The following HOMER1 variants were observed in gnomAD, a reference collection of about 807,000 sequenced individuals.
HOMER1 encodes homer scaffold protein 1.
In HOMER1, 3 loss-of-function variants were observed where a neutral mutation model predicts 48.9. That is an observed-to-expected ratio of 0.06 (90% CI 0.03 to 0.16). HOMER1 has a LOEUF of 0.16. Among genes scored for constraint, HOMER1 ranks in the 10% least tolerant of loss-of-function variants. The pLI is 1.00. For synonymous variants in HOMER1, 134 were observed against 146.4 expected (o/e 0.92, Z 0.61); for missense variants, 247 against 411.4 (o/e 0.60, Z 3.46).
At chr5:79,502,141 TC>T (rs774504380) in intron 1 of HOMER1, among the ~76,000 whole-genome samples, 1 of 149,684 alleles carries the variant, frequency 6.7e-6, no homozygotes, top group Non-Finnish European at 1.5e-5. Flanking sequence ...TGCCTCAGCC[TC>T]CCAAGTAGCT....
At chr5:79,400,003 GA>G (rs1284255207) in intron 6 of HOMER1, among the ~76,000 whole-genome samples, 1 of 152,066 alleles carries the variant, frequency 6.6e-6, no homozygotes, top group Non-Finnish European at 1.5e-5. Context: ...TATTTAAAGA[GA>G]AAATTTCTTA....
At chr5:79,479,743 AAT>A (rs1410928201) in intron 1 of HOMER1, among the ~76,000 whole-genome samples, 2 of 152,238 alleles carry the variant, frequency 1.3e-5, no homozygotes, top group Non-Finnish European at 2.9e-5. Flanking sequence ...CTAATACAGT[AAT>A]AGTGATAAAA....
chr5:79,412,913 G>GA (rs2112236163), intron 5 of HOMER1, among the ~76,000 whole-genome samples: 1 of 152,340 alleles, frequency 6.6e-6, no homozygotes, highest in Non-Finnish European at 1.5e-5. Context: ...GGAGGGACTG[G>GA]AAAGGGAGAA....
intron 1 of HOMER1, among the ~76,000 whole-genome samples, chr5:79,502,225 G>A (rs185483899): frequency 3.1e-4 from 47 of 151,988 alleles, no homozygotes; most frequent in Non-Finnish European, 5.6e-4. Flanking sequence ...TCACTATGTT[G>A]GCCAGGATGG....
intron 5 of HOMER1, among the ~76,000 whole-genome samples, chr5:79,425,164 C>T (rs1750206994): frequency 6.6e-6 from 1 of 151,532 alleles, no homozygotes; most frequent in African/African-American, 2.4e-5. Context: ...TCTTCTTCCA[C>T]AAGAAATGGT....
At chr5:79,388,430 A>G (rs543181977) in intron 8 of HOMER1, among the ~76,000 whole-genome samples, 3 of 152,218 alleles carry the variant, frequency 2.0e-5, no homozygotes, top group Non-Finnish European at 2.9e-5. Context: ...AGCAATCTTC[A>G]TCTACACAAA....
At chr5:79,414,612 C>A (rs1749897198) in intron 5 of HOMER1, among the ~76,000 whole-genome samples, 1 of 152,134 alleles carries the variant, frequency 6.6e-6, no homozygotes, top group African/African-American at 2.4e-5. Context: ...CTCCTGGACT[C>A]AAATGATCCT....
At chr5:79,487,363 AC>A (rs1190134047) in intron 1 of HOMER1, among the ~76,000 whole-genome samples, 1 of 152,238 alleles carries the variant, frequency 6.6e-6, no homozygotes, top group Non-Finnish European at 1.5e-5. Context: ...ACTTGAACAT[AC>A]AAAAAGAGAA....
chr5:79,513,565 C>G lies in HOMER1; in HGVS notation c.-791G>C, dbSNP rs1222786605. ...AGAGCTGGAGGAGGGGACCCGATCC[C>G]ACCTCCCTCAGCCCCTTCCCGCCCC... On this transcript the variant is annotated 5_prime_UTR_variant, in exon 1 of 9. Coordinates refer to ENST00000334082, the MANE Select transcript of HOMER1 (RefSeq NM_004272.5). 1 of 152,426 alleles carries G rather than the reference C, an allele frequency of 6.6e-6. No individual in the cohort carries two copies. The highest frequency in any genetic ancestry group is 6.5e-5 in the Admixed American group (1 of 15,280). 9.4% of individuals were successfully genotyped at this position (152,426 alleles called of 1,614,324 possible).
At position 79,484,002 on chromosome 5, in the gene HOMER1, T is replaced by C. The variant is rs542180127; in HGVS notation, c.6-26984A>G. On this transcript the variant is annotated intron_variant, in intron 1 of 8. Transcript: ENST00000334082. Reference sequence around the variant, plus strand: ...CAGAGGTTGCAATGAGCCAAGATCATGCCACTGCACTCCAGCCTGGGCAAC... The same window carrying C: ...CAGAGGTTGCAATGAGCCAAGATCACGCCACTGCACTCCAGCCTGGGCAAC... Among the ~76,000 whole-genome samples the C allele has an allele frequency of 1.6e-4, 22 of 134,494 alleles. No individual in the cohort carries two copies. In the South Asian group the frequency reaches 3.7e-3, roughly 23 times the overall value. The allele number at this position is 134,494 out of a possible 152,430, so 88.2% of individuals were successfully genotyped here.
intron 8 of HOMER1, among the ~76,000 whole-genome samples, chr5:79,382,438 A>C (rs754324870): frequency 2.1e-4 from 32 of 152,242 alleles, no homozygotes; most frequent in Non-Finnish European, 4.0e-4. Flanking sequence ...GACCCCCTTC[A>C]GACCAACAGG....
chr5:79,474,330 G>A (rs1028501861), intron 1 of HOMER1, among the ~76,000 whole-genome samples: 2 of 147,226 alleles, frequency 1.4e-5, no homozygotes, highest in African/African-American at 5.1e-5. Flanking sequence ...TGAGATTACA[G>A]GCATGAGCTA....
chr5:79,482,696 T>C (rs1252343049), intron 1 of HOMER1, among the ~76,000 whole-genome samples: 1 of 151,600 alleles, frequency 6.6e-6, no homozygotes, highest in African/African-American at 2.4e-5. Flanking sequence ...TCCTCAAAAG[T>C]GGGAAGGATT....
intron 5 of HOMER1, among the ~76,000 whole-genome samples, chr5:79,404,224 A>G (rs1394352178): frequency 6.6e-6 from 1 of 152,220 alleles, no homozygotes; most frequent in Admixed American, 6.5e-5. Flanking sequence ...CCTAAAATCC[A>G]TTTGTCAAAA....
chr5:79,407,977 A>T (rs1238738606), intron 5 of HOMER1, among the ~76,000 whole-genome samples: 3 of 152,222 alleles, frequency 2.0e-5, no homozygotes, highest in Admixed American at 6.5e-5. Context: ...GACCACATTC[A>T]CATAACTTTT....
intron 5 of HOMER1, among the ~76,000 whole-genome samples, chr5:79,422,258 C>T: frequency 6.6e-6 from 1 of 151,844 alleles, no homozygotes; most frequent in Non-Finnish European, 1.5e-5. Context: ...ATCAACATGA[C>T]TGTGCTGACT....
intron 1 of HOMER1, among the ~76,000 whole-genome samples, chr5:79,495,434 T>A (rs370182437): frequency 2.0e-5 from 3 of 152,186 alleles, no homozygotes; most frequent in African/African-American, 7.2e-5. Context: ...CCTTCCAAGG[T>A]GGAGGTGGGC....
At chr5:79,435,944 G>A (rs1417877725) in intron 5 of HOMER1, among the ~76,000 whole-genome samples, 19 of 147,778 alleles carry the variant, frequency 1.3e-4, no homozygotes, top group African/African-American at 4.8e-4. Context: ...GGCTAACAAG[G>A]TGAAACCCCG....
At chr5:79,490,179 A>G (rs2112356006) in intron 1 of HOMER1, among the ~76,000 whole-genome samples, 1 of 152,372 alleles carries the variant, frequency 6.6e-6, no homozygotes, top group South Asian at 2.1e-4. Flanking sequence ...CATTTGTTAA[A>G]TGAATTTATA....
Sources: gnomAD v4.1 joint callset for allele counts (sites outside exome capture counted in the v4.1 genomes callset) on GRCh38, gnomAD v4.1.1 for gene constraint, MANE v1.5 for transcripts, NCBI Gene and HGNC (gene_info 2026-07-23, HGNC 2026-07-21) for gene names.